CADM2: variants seen among roughly 807,000 people sequenced by gnomAD.
CADM2 encodes the protein immunoglobulin superfamily member 4D.
In CADM2, 12 loss-of-function variants were observed where a neutral mutation model predicts 49.8. The ratio of observed to expected loss-of-function variants is 0.24; its 90% CI spans 0.15 to 0.39. The LOEUF is 0.39. Among genes scored for constraint, CADM2 ranks in the 10% least tolerant of loss-of-function variants. The pLI, the probability that CADM2 is intolerant of heterozygous loss-of-function variation, is 1.00. For synonymous variants in CADM2, 214 were observed against 175.4 expected, an observed-to-expected ratio of 1.22 and a Z score of -1.74; for missense variants, 378 against 492.3, an observed-to-expected ratio of 0.77 and a Z score of 2.20.
intron 1 of CADM2, among the ~76,000 whole-genome samples, chr3:85,526,278 G>C (rs946924331): frequency 1.4e-5 from 2 of 146,160 alleles, no homozygotes; most frequent in Non-Finnish European, 3.0e-5. Flanking sequence ...GGTAAATCTG[G>C]TCCTTTTTAT....
intron 1 of CADM2, among the ~76,000 whole-genome samples, chr3:84,992,401 C>T (rs1253685828): frequency 7.1e-6 from 1 of 140,302 alleles, no homozygotes; most frequent in Non-Finnish European, 1.7e-5. Flanking sequence ...CAAGCCGAGG[C>T]GGGCGGATCA....
intron 1 of CADM2, among the ~76,000 whole-genome samples, chr3:85,571,379 A>G (rs79490877): frequency 6.6e-6 from 1 of 151,038 alleles, no homozygotes; most frequent in African/African-American, 2.4e-5. Flanking sequence ...TCTTATGCTT[A>G]GGAAACCTTG....
chr3:85,270,523 T>G (rs1169141588), intron 1 of CADM2, among the ~76,000 whole-genome samples: 1 of 151,392 alleles, frequency 6.6e-6, no homozygotes, highest in Non-Finnish European at 1.5e-5. Context: ...CCTTTTAAAT[T>G]TCATGGCTAG....
At chr3:85,018,540 G>T (rs1285565646) in intron 1 of CADM2, among the ~76,000 whole-genome samples, 5 of 152,054 alleles carry the variant, frequency 3.3e-5, no homozygotes, top group Admixed American at 3.3e-4. Flanking sequence ...TTTTCGTAGA[G>T]ATGGCGGTTT....
chr3:85,399,949 A>T (rs2035011745), intron 1 of CADM2, among the ~76,000 whole-genome samples: 1 of 152,140 alleles, frequency 6.6e-6, no homozygotes, highest in South Asian at 2.1e-4. Context: ...TCCTAATTGA[A>T]TACCCTTTAT....
chr3:86,030,406 A>G (rs1391627896), intron 8 of CADM2, among the ~76,000 whole-genome samples: 1 of 152,032 alleles, frequency 6.6e-6, no homozygotes, highest in African/African-American at 2.4e-5. Flanking sequence ...TGGAACTCTT[A>G]AGGATATTTA....
At chr3:84,973,352 A>G (rs193026989) in intron 1 of CADM2, among the ~76,000 whole-genome samples, 1 of 150,320 alleles carries the variant, frequency 6.7e-6, no homozygotes, top group African/African-American at 2.4e-5. Context: ...GGCTTTTAAC[A>G]TTTTTTTTTT....
intron 1 of CADM2, among the ~76,000 whole-genome samples, chr3:85,610,745 C>T (rs1171392590): frequency 6.6e-6 from 1 of 151,858 alleles, no homozygotes; most frequent in Admixed American, 6.6e-5. Context: ...AATTCTTTTT[C>T]AAATTCAAAC....
chr3:85,916,586 G>A (rs887896142), intron 6 of CADM2, among the ~76,000 whole-genome samples: 1 of 151,930 alleles, frequency 6.6e-6, no homozygotes, highest in East Asian at 1.9e-4. Context: ...GGACATTTGG[G>A]TTGGTTCCAA....
At chr3:85,685,615 C>CTTT (rs59277971) in intron 1 of CADM2, among the ~76,000 whole-genome samples, 67 of 122,000 alleles carry the variant, frequency 5.5e-4, no homozygotes, top group African/African-American at 9.1e-4. Flanking sequence ...TTCTTTCTTT[C>CTTT]TTTTTTTTTT....
chr3:85,481,229 GATAT>G (rs3086137), intron 1 of CADM2, among the ~76,000 whole-genome samples: 3 of 144,958 alleles, frequency 2.1e-5, no homozygotes, highest in South Asian at 2.2e-4. Flanking sequence ...ATATATATTG[GATAT>G]ATATATATAT....
At chr3:85,251,217 G>A (rs1257902640) in intron 1 of CADM2, among the ~76,000 whole-genome samples, 3 of 151,684 alleles carry the variant, frequency 2.0e-5, no homozygotes, top group African/African-American at 7.2e-5. Flanking sequence ...CAGCAAAAAT[G>A]TTAATTTAAA....
At chr3:85,206,778 T>C (rs1409651163) in intron 1 of CADM2, among the ~76,000 whole-genome samples, 2 of 152,112 alleles carry the variant, frequency 1.3e-5, no homozygotes, top group Non-Finnish European at 2.9e-5. Context: ...TAAACATAAA[T>C]ACATTTATAT....
chr3:85,190,630 G>T (rs1442831078), intron 1 of CADM2, among the ~76,000 whole-genome samples: 1 of 152,068 alleles, frequency 6.6e-6, no homozygotes, highest in African/African-American at 2.4e-5. Context: ...CGATAATTTT[G>T]AGCAGGACCC....
chr3:85,657,198 T>C (rs1476868664), intron 1 of CADM2, among the ~76,000 whole-genome samples: 1 of 152,192 alleles, frequency 6.6e-6, no homozygotes, highest in Non-Finnish European at 1.5e-5. Flanking sequence ...TTCAAGATGA[T>C]ACAGATATGG....
At chr3:85,188,193 A>G (rs1368688658) in intron 1 of CADM2, among the ~76,000 whole-genome samples, 1 of 152,128 alleles carries the variant, frequency 6.6e-6, no homozygotes, top group Non-Finnish European at 1.5e-5. Flanking sequence ...TGATTTTAAA[A>G]TGTTTTCAGC....
intron 8 of CADM2, among the ~76,000 whole-genome samples, chr3:85,999,413 G>A (rs1479648573): frequency 2.0e-5 from 3 of 152,088 alleles, no homozygotes; most frequent in East Asian, 1.9e-4. Context: ...GCCAAGACAC[G>A]AGAATCACTT....
chr3:85,343,150 A>C (rs2030116147), intron 1 of CADM2, among the ~76,000 whole-genome samples: 1 of 152,188 alleles, frequency 6.6e-6, no homozygotes, highest in Non-Finnish European at 1.5e-5. Flanking sequence ...ATGCTGTTAC[A>C]CATTGCACGA....
At chr3:85,724,286 G>A (rs927792051) in intron 1 of CADM2, among the ~76,000 whole-genome samples, 1 of 151,398 alleles carries the variant, frequency 6.6e-6, no homozygotes, top group African/African-American at 2.4e-5. Context: ...TAATATACTT[G>A]CACACTTTCT....
Sources: allele counts gnomAD v4.1 joint callset (sites outside exome capture counted in the v4.1 genomes callset), GRCh38; gene constraint gnomAD v4.1.1; transcripts MANE v1.5; gene names NCBI Gene and HGNC (gene_info 2026-07-23, HGNC 2026-07-21).